The following NUDT3 variants were observed in gnomAD, a reference collection of about 807,000 sequenced individuals.
NUDT3 encodes diphosphoinositol polyphosphate phosphohydrolase 1.
NUDT3 carries 9 observed loss-of-function variants against 23.6 expected under a neutral mutation model. That is an observed-to-expected ratio of 0.38 (90% CI 0.23 to 0.66). The LOEUF (loss-of-function observed/expected upper bound fraction) is 0.66, where lower values mean the gene tolerates loss of function less well. NUDT3 is among the 30% of genes least tolerant of loss of function. The pLI, the probability that NUDT3 is intolerant of heterozygous loss-of-function variation, is 0.52. For missense variants in NUDT3, 172 were observed against 218.5 expected (o/e 0.79, Z 1.34); for synonymous variants, 86 against 82.6 (o/e 1.04, Z -0.22).
intron 1 of NUDT3, among the ~76,000 whole-genome samples, chr6:34,373,437 T>C (rs1409167996): frequency 1.4e-5 from 2 of 145,290 alleles, no homozygotes; most frequent in Non-Finnish European, 3.0e-5. Flanking sequence ...TCTATCCTCA[T>C]AAATAATTGT....
intron 1 of NUDT3, among the ~76,000 whole-genome samples, chr6:34,370,037 C>T (rs1278764269): frequency 6.6e-6 from 1 of 152,130 alleles, no homozygotes; most frequent in Non-Finnish European, 1.5e-5. Flanking sequence ...TTAGAAAACA[C>T]TACATTTTTC....
chr6:34,325,352 G>C (rs553645347), intron 2 of NUDT3, among the ~76,000 whole-genome samples: 2 of 152,228 alleles, frequency 1.3e-5, no homozygotes, highest in African/African-American at 4.8e-5. Flanking sequence ...GGAACTATAA[G>C]TGCAAGCCAC....
chr6:34,373,000 C>T (rs950589257), intron 1 of NUDT3, among the ~76,000 whole-genome samples: 13 of 151,258 alleles, frequency 8.6e-5, no homozygotes, highest in Admixed American at 8.6e-4. Context: ...CGCGCGTGTG[C>T]CGGGCGCGGT....
At chr6:34,289,403 C>T (rs2113690134) in intron 4 of NUDT3, among the ~76,000 whole-genome samples, 1 of 152,240 alleles carries the variant, frequency 6.6e-6, no homozygotes, top group South Asian at 2.1e-4. Context: ...TCTGTCTCTA[C>T]AAAAAATACA....
chr6:34,288,780 A>G lies in NUDT3; in HGVS notation c.492T>C (p.Ala164=). The G allele has an allele frequency of 6.2e-7, 1 of 1,613,106 alleles. No homozygotes were observed. The highest frequency in any genetic ancestry group is 1.3e-5 in the African/African-American group (1 of 74,936). ...ATCTGATGCCTGACATCGAGCTCTG[A>G]GCAGAAACCGAGTATGTGGTGGCCA... ...PVVATTYSVS[A]QSSMSGIR is the part of the protein sequence containing the mutation. The change falls in exon 5 of 5, where the codon GCT becomes GCC. Residue 164 remains alanine, a synonymous_variant. Coordinates refer to ENST00000607016, the MANE Select transcript of NUDT3 (RefSeq NM_006703.4).
Position 34,351,216 on chromosome 6 carries a change from A to AAAAAAAAAAAAAC in NUDT3, c.100-9245_100-9244insGTTTTTTTTTTTT, listed in dbSNP as rs1561915130. On this transcript the variant is annotated intron_variant, in intron 1 of 4. Coordinates refer to ENST00000607016, the MANE Select transcript of NUDT3 (RefSeq NM_006703.4). ...CCCTGCCTAAAAAAAAAAAAAAAAAAAAAAAAAAAACACTTTGGGAGGCCA... is the reference window on the plus strand; with the variant it reads ...CCCTGCCTAAAAAAAAAAAAAAAAAAAAAAAAAAAAAACAAAAAAAAAACACTTTGGGAGGCCA... Among the ~76,000 whole-genome samples, 110 of 130,820 alleles carry AAAAAAAAAAAAAC rather than the reference A, an allele frequency of 8.4e-4. 5 individuals carry two copies. Among genetic ancestry groups the AAAAAAAAAAAAAC allele is most frequent in the African/African-American group, 3.6e-3 (109 of 29,938 alleles). The allele number at this position is 130,820 out of a possible 152,430, so 85.8% of individuals were successfully genotyped here.
chr6:34,389,444 A>C (rs976475330), intron 1 of NUDT3, among the ~76,000 whole-genome samples: 2 of 152,190 alleles, frequency 1.3e-5, no homozygotes, highest in African/African-American at 4.8e-5. Flanking sequence ...ACTCAGTCTC[A>C]GGTATTTCTT....
At position 34,373,211 on chromosome 6, in the gene NUDT3, G is replaced by C. The variant is rs150020734; in HGVS notation, c.99+19053C>G. Among the ~76,000 whole-genome samples, 911 of 150,396 alleles carry C rather than the reference G, an allele frequency of 6.1e-3. 10 individuals are homozygous for C. Among genetic ancestry groups the C allele is most frequent in the African/African-American group, 0.021 (861 of 40,824 alleles). ...GGAGAATAGCATGAACCCAGGAGAC[G>C]GAGTTTGCAGTGAGCTGAGATCACG... On this transcript the variant is annotated intron_variant, in intron 1 of 4. Transcript: ENST00000607016.
chr6:34,364,706 T>C (rs367962615), intron 1 of NUDT3, among the ~76,000 whole-genome samples: 1 of 152,124 alleles, frequency 6.6e-6, no homozygotes, highest in Admixed American at 6.6e-5. Flanking sequence ...TAGCATCCAG[T>C]AGAGTGTATA....
intron 2 of NUDT3, among the ~76,000 whole-genome samples, chr6:34,299,279 C>T (rs75550250): frequency 0.096 from 14,590 of 152,172 alleles, 804 homozygotes; most frequent in Non-Finnish European, 0.12. Flanking sequence ...CAAAATTATA[C>T]GAAAGCAGTT....
rs60517827 is a variant in NUDT3, at chr6:34,297,759, A to ATATATATATAT, written c.211-2075_211-2074insATATATATATA. Among the ~76,000 whole-genome samples the ATATATATATAT allele has an allele frequency of 2.1e-3, 152 of 70,912 alleles. 2 individuals carry two copies. The highest frequency in any genetic ancestry group is 8.3e-3 in the African/African-American group (125 of 15,044). 46.5% of individuals were successfully genotyped at this position (70,912 alleles called of 152,430 possible). A position where few individuals can be genotyped will look rare whatever the true frequency, so the allele number is the denominator to read the frequency against. On this transcript the variant is annotated intron_variant, in intron 2 of 4. Coordinates refer to ENST00000607016, the MANE Select transcript of NUDT3 (RefSeq NM_006703.4). ...TATATATATATATATATATATATAT[A>ATATATATATAT]ATTTTTTTTTTTTTTTTAGTAGAGA...
At chr6:34,387,879 A>G (rs897426005) in intron 1 of NUDT3, among the ~76,000 whole-genome samples, 1 of 152,162 alleles carries the variant, frequency 6.6e-6, no homozygotes, top group Non-Finnish European at 1.5e-5. Context: ...GATTTAGTGC[A>G]ACCTAAGCTG....
intron 1 of NUDT3, among the ~76,000 whole-genome samples, chr6:34,375,274 G>A (rs1370368361): frequency 1.3e-5 from 2 of 152,102 alleles, no homozygotes; most frequent in Non-Finnish European, 2.9e-5. Context: ...AAACGGGGAG[G>A]CAGAGGTTGC....
At chr6:34,334,360 CA>C (rs747051795) in intron 2 of NUDT3, among the ~76,000 whole-genome samples, 4 of 152,116 alleles carry the variant, frequency 2.6e-5, no homozygotes, top group East Asian at 3.8e-4. Flanking sequence ...AAAATGGGAC[CA>C]GGGGCGGTGG....
rs1448883126 is a variant in NUDT3, at chr6:34,287,657, ATGCACC to A, written c.*1090_*1095del. On this transcript the variant is annotated 3_prime_UTR_variant, in exon 5 of 5. Coordinates refer to ENST00000607016, the MANE Select transcript of NUDT3 (RefSeq NM_006703.4). ...TCAGTTCAGGGACAGGACTACATTG[ATGCACC>A]TGCAAAGTAAAGTTGGATGCTTCAG... 2 of 152,240 alleles carry A rather than the reference ATGCACC, an allele frequency of 1.3e-5. No individual in the cohort carries two copies. Among genetic ancestry groups the A allele is most frequent in the African/African-American group, 4.8e-5 (2 of 41,462 alleles). 9.4% of individuals were successfully genotyped at this position (152,240 alleles called of 1,614,324 possible).
intron 1 of NUDT3, among the ~76,000 whole-genome samples, chr6:34,386,653 T>C (rs75923208): frequency 2.8e-4 from 42 of 152,288 alleles, no homozygotes; most frequent in African/African-American, 8.7e-4. Flanking sequence ...TCATGGACTA[T>C]ATAACATTTC....
At chr6:34,323,602 A>AGAAGC (rs560145316) in intron 2 of NUDT3, among the ~76,000 whole-genome samples, 2 of 152,090 alleles carry the variant, frequency 1.3e-5, no homozygotes, top group African/African-American at 2.4e-5. Context: ...AACAAAGAAG[A>AGAAGC]GAAGCGAAGC....
At chr6:34,335,109 C>T (rs1182251355) in intron 2 of NUDT3, among the ~76,000 whole-genome samples, 1 of 152,066 alleles carries the variant, frequency 6.6e-6, no homozygotes, top group Non-Finnish European at 1.5e-5. Flanking sequence ...ATACAGACTG[C>T]AATGGAAACA....
intron 2 of NUDT3, among the ~76,000 whole-genome samples, chr6:34,326,026 T>C (rs2113721765): frequency 6.6e-6 from 1 of 152,386 alleles, no homozygotes; most frequent in Non-Finnish European, 1.5e-5. Context: ...ATTTTAGTTC[T>C]GATTTTAAAG....
Sources: allele counts gnomAD v4.1 joint callset (sites outside exome capture counted in the v4.1 genomes callset), GRCh38; gene constraint gnomAD v4.1.1; transcripts MANE v1.5; gene names NCBI Gene and HGNC (gene_info 2026-07-23, HGNC 2026-07-21).